The following DAB1 variants were observed in gnomAD, a reference collection of about 807,000 sequenced individuals.
DAB1 encodes the protein disabled homolog 1.
DAB1 carries 15 observed loss-of-function variants against 64.6 expected under a neutral mutation model. The observed-to-expected ratio is 0.23, with a 90% CI of 0.16 to 0.36. The LOEUF is 0.36. Ranked by LOEUF, DAB1 falls within the 10% of genes least tolerant of loss-of-function variation. The probability of loss-of-function intolerance (pLI) is 1.00; values close to 1 mark genes in which losing one functional copy is unlikely to be tolerated. For synonymous variants in DAB1, 235 were observed against 251.9 expected, an observed-to-expected ratio of 0.93 and a Z score of 0.64; for missense variants, 596 against 706.7, an observed-to-expected ratio of 0.84 and a Z score of 1.78.
intron 2 of DAB1, among the ~76,000 whole-genome samples, chr1:57,182,266 C>G (rs780979552): frequency 1.1e-4 from 17 of 152,154 alleles, no homozygotes; most frequent in Non-Finnish European, 2.4e-4. Flanking sequence ...TTTACAGAAC[C>G]CCCAACAATA....
At chr1:57,661,901 G>C (rs899645231) in intron 6 of DAB1, among the ~76,000 whole-genome samples, 4 of 152,128 alleles carry the variant, frequency 2.6e-5, no homozygotes, top group African/African-American at 7.2e-5. Flanking sequence ...GTGGGCTTCT[G>C]ATGGAGGGTA....
chr1:57,991,235 T>C (rs1646333230), intron 5 of DAB1, among the ~76,000 whole-genome samples: 1 of 152,192 alleles, frequency 6.6e-6, no homozygotes, highest in African/African-American at 2.4e-5. Flanking sequence ...AACATTACAT[T>C]ACCTCCAATG....
chr1:57,136,656 A>G lies in DAB1; in HGVS notation c.208-15T>C. On this transcript the variant is annotated splice_polypyrimidine_tract_variant and intron_variant, in intron 3 of 14. Coordinates refer to ENST00000371236, the MANE Select transcript of DAB1 (RefSeq NM_001365792.1). Reference sequence around the variant, plus strand: ...GCAACAACGCCCTGTTGAAAGGAAGAACATGGTTTTTACTTAAGTGTTTTC... The same window carrying G: ...GCAACAACGCCCTGTTGAAAGGAAGGACATGGTTTTTACTTAAGTGTTTTC... The G allele has an allele frequency of 6.7e-7, 1 of 1,501,600 alleles. No individual in the cohort carries two copies. The highest frequency in any genetic ancestry group is 9.0e-7 in the Non-Finnish European group (1 of 1,107,158). The allele number at this position is 1,501,600 out of a possible 1,614,324, so 93.0% of individuals were successfully genotyped here. A position where few individuals can be genotyped will look rare whatever the true frequency, so the allele number is the denominator to read the frequency against.
At chr1:58,466,098 C>A (rs1645293367) in intron 3 of DAB1, among the ~76,000 whole-genome samples, 1 of 152,126 alleles carries the variant, frequency 6.6e-6, no homozygotes, top group South Asian at 2.1e-4. Context: ...AAATCTAGCA[C>A]AAACGCTGTG....
chr1:57,266,509 T>C (rs534327611), intron 2 of DAB1, among the ~76,000 whole-genome samples: 198 of 152,018 alleles, frequency 1.3e-3, no homozygotes, highest in African/African-American at 4.5e-3. Context: ...CTGTGAAGCC[T>C]TCTCCAATCT....
intron 1 of DAB1, among the ~76,000 whole-genome samples, chr1:57,337,930 TTCTC>T (rs1056614374): frequency 6.7e-6 from 1 of 149,184 alleles, no homozygotes; most frequent in Non-Finnish European, 1.5e-5. Context: ...TCCTCCTTTT[TTCTC>T]TCTCTCTTCC....
chr1:57,134,298 G>A (rs540613283), intron 4 of DAB1, among the ~76,000 whole-genome samples: 19 of 152,202 alleles, frequency 1.2e-4, no homozygotes, highest in Admixed American at 1.0e-3. Context: ...TATAAAGACT[G>A]TTAAGGCTGG....
At chr1:57,920,498 T>C (rs1004573017) in intron 5 of DAB1, among the ~76,000 whole-genome samples, 1 of 152,054 alleles carries the variant, frequency 6.6e-6, no homozygotes, top group Non-Finnish European at 1.5e-5. Flanking sequence ...ATTTTCTTTT[T>C]TTTGAAACAG....
intron 5 of DAB1, among the ~76,000 whole-genome samples, chr1:57,995,187 GT>G (rs1646405896): frequency 6.6e-6 from 1 of 152,178 alleles, no homozygotes; most frequent in Admixed American, 6.5e-5. Context: ...GGGTACTCAA[GT>G]TTTTAAATGC....
At chr1:57,854,337 T>A (rs1455540540) in intron 1 of DAB1, among the ~76,000 whole-genome samples, 2 of 152,120 alleles carry the variant, frequency 1.3e-5, no homozygotes, top group Non-Finnish European at 2.9e-5. Context: ...GTCTTCAAGG[T>A]CTCATTACTG....
chr1:57,888,957 C>G (rs1269827920), upstream of DAB1, among the ~76,000 whole-genome samples: 1 of 152,214 alleles, frequency 6.6e-6, no homozygotes, highest in Non-Finnish European at 1.5e-5. Context: ...TCACAGGGAG[C>G]ATGCCCATTG....
At chr1:58,417,939 C>A (rs1398172553) in intron 3 of DAB1, among the ~76,000 whole-genome samples, 1 of 152,184 alleles carries the variant, frequency 6.6e-6, no homozygotes, top group African/African-American at 2.4e-5. Flanking sequence ...CTATCACAAT[C>A]CCTTCAACTC....
chr1:58,487,818 C>A (rs566907214), intron 3 of DAB1, among the ~76,000 whole-genome samples: 9 of 152,114 alleles, frequency 5.9e-5, no homozygotes, highest in African/African-American at 2.2e-4. Flanking sequence ...TTAATTACTT[C>A]TGATTTTGAC....
chr1:58,531,432 A>C (rs1033993473), intron 1 of DAB1, among the ~76,000 whole-genome samples: 3 of 152,242 alleles, frequency 2.0e-5, no homozygotes, highest in Admixed American at 6.5e-5. Context: ...GATTTTTCAT[A>C]AAATAGTTGT....
At chr1:57,831,106 GGTTTCACCAC>G (rs970940985) in intron 1 of DAB1, among the ~76,000 whole-genome samples, 14 of 152,000 alleles carry the variant, frequency 9.2e-5, no homozygotes, top group Non-Finnish European at 1.8e-4. Context: ...GTATAGACGG[GGTTTCACCAC>G]GTTAGCCAGG....
At chr1:58,058,761 A>C (rs1455417093) in intron 5 of DAB1, among the ~76,000 whole-genome samples, 1 of 152,208 alleles carries the variant, frequency 6.6e-6, no homozygotes, top group African/African-American at 2.4e-5. Context: ...GAAGAGGTTT[A>C]AAGTAAAATA....
chr1:57,475,058 G>A (rs534775949), intron 7 of DAB1, among the ~76,000 whole-genome samples: 2 of 152,214 alleles, frequency 1.3e-5, no homozygotes, highest in South Asian at 2.1e-4. Flanking sequence ...TCAGGAGCTC[G>A]AGACCAGTCC....
chr1:58,211,945 A>G (rs1472285039), intron 4 of DAB1, among the ~76,000 whole-genome samples: 1 of 152,108 alleles, frequency 6.6e-6, no homozygotes, highest in Non-Finnish European at 1.5e-5. Context: ...GGAGTGCACA[A>G]TCCTGGCATT....
intron 1 of DAB1, among the ~76,000 whole-genome samples, chr1:57,380,558 G>A (rs1681284994): frequency 6.6e-6 from 1 of 152,164 alleles, no homozygotes; most frequent in South Asian, 2.1e-4. Flanking sequence ...TGGTAATGAT[G>A]GTGATGATAA....
Sources: gnomAD v4.1 joint callset for allele counts (sites outside exome capture counted in the v4.1 genomes callset) on GRCh38, gnomAD v4.1.1 for gene constraint, MANE v1.5 for transcripts, NCBI Gene and HGNC (gene_info 2026-07-23, HGNC 2026-07-21) for gene names.